The following TDRD3 variants were observed in gnomAD, a reference collection of about 807,000 sequenced individuals.
The protein encoded by TDRD3 is tudor domain-containing protein 3.
A neutral mutation model predicts 86.7 loss-of-function variants in TDRD3; 45 were observed. The observed-to-expected ratio is 0.52, with a 90% CI of 0.41 to 0.67. The LOEUF (loss-of-function observed/expected upper bound fraction) is 0.67. TDRD3 is among the 30% of genes least tolerant of loss of function. The pLI, the probability that TDRD3 is intolerant of heterozygous loss-of-function variation, is 0.00. For missense variants in TDRD3, 814 were observed against 889.0 expected, an observed-to-expected ratio of 0.92 and a Z score of 1.07; for synonymous variants, 298 against 301.7, an observed-to-expected ratio of 0.99 and a Z score of 0.13.
chr13:60,449,276 G>A (rs1955480514), intron 3 of TDRD3, among the ~76,000 whole-genome samples: 1 of 152,078 alleles, frequency 6.6e-6, no homozygotes. Flanking sequence ...CTTTTAGTGA[G>A]CTATATATTA....
At chr13:60,478,266 T>A (rs1807683955) in intron 5 of TDRD3, among the ~76,000 whole-genome samples, 1 of 151,872 alleles carries the variant, frequency 6.6e-6, no homozygotes, top group Admixed American at 6.6e-5. Context: ...CTCTCTTTTT[T>A]GTTAATCTAG....
intron 3 of TDRD3, among the ~76,000 whole-genome samples, chr13:60,455,016 C>T (rs1289829269): frequency 2.0e-5 from 3 of 152,016 alleles, no homozygotes; most frequent in East Asian, 1.9e-4. Context: ...CGGATTTAAG[C>T]GATTCTCCTG....
chr13:60,552,923 GAGC>G (rs993150530), intron 12 of TDRD3, among the ~76,000 whole-genome samples: 17 of 152,346 alleles, frequency 1.1e-4, no homozygotes, highest in African/African-American at 3.1e-4. Flanking sequence ...GGGCTGCACA[GAGC>G]AGCAGGGCCC....
intron 3 of TDRD3, among the ~76,000 whole-genome samples, chr13:60,459,848 T>C (rs1239048592): frequency 6.6e-6 from 1 of 152,180 alleles, no homozygotes; most frequent in East Asian, 1.9e-4. Flanking sequence ...CACAAGCTCC[T>C]GACCTCAGGT....
intron 12 of TDRD3, among the ~76,000 whole-genome samples, chr13:60,548,584 G>A (rs531919656): frequency 2.6e-5 from 4 of 151,986 alleles, no homozygotes; most frequent in Non-Finnish European, 5.9e-5. Flanking sequence ...TTTAAGCCTT[G>A]AACCATTCAC....
chr13:60,418,387 G>A (rs1018521808), intron 1 of TDRD3, among the ~76,000 whole-genome samples: 1 of 152,004 alleles, frequency 6.6e-6, no homozygotes, highest in African/African-American at 2.4e-5. Context: ...TTAACATTCT[G>A]TCTCTAGCTC....
chr13:60,484,219 C>T (rs532173659), intron 6 of TDRD3, among the ~76,000 whole-genome samples: 2 of 152,210 alleles, frequency 1.3e-5, no homozygotes, highest in East Asian at 3.9e-4. Context: ...AATAAAGCCA[C>T]ACAGAGTGAT....
chr13:60,474,110 T>G (rs1956131699), intron 5 of TDRD3, among the ~76,000 whole-genome samples: 1 of 152,240 alleles, frequency 6.6e-6, no homozygotes, highest in African/African-American at 2.4e-5. Context: ...ACCTTTTAGA[T>G]AGCAGTAGCA....
At chr13:60,411,892 G>A (rs1178616343) in intron 1 of TDRD3, among the ~76,000 whole-genome samples, 3 of 152,160 alleles carry the variant, frequency 2.0e-5, no homozygotes, top group Admixed American at 1.3e-4. Flanking sequence ...GCACTTTAGG[G>A]TATTGTCATT....
At chr13:60,414,815 T>C (rs1954455532) in intron 1 of TDRD3, among the ~76,000 whole-genome samples, 1 of 152,078 alleles carries the variant, frequency 6.6e-6, no homozygotes, top group African/African-American at 2.4e-5. Context: ...CCTTCATTGG[T>C]TTCAATTGAG....
intron 8 of TDRD3, among the ~76,000 whole-genome samples, chr13:60,505,136 G>A (rs953636594): frequency 6.6e-6 from 1 of 152,188 alleles, no homozygotes; most frequent in Non-Finnish European, 1.5e-5. Context: ...GCGCCAAGTA[G>A]TCTAGCTCAG....
intron 5 of TDRD3, among the ~76,000 whole-genome samples, chr13:60,479,968 C>T (rs1956275820): frequency 6.6e-6 from 1 of 152,128 alleles, no homozygotes; most frequent in Non-Finnish European, 1.5e-5. Flanking sequence ...CATCGTATTC[C>T]TTTTAAGTGT....
chr13:60,460,355 T>A, intron 3 of TDRD3, 25 bp from the exon 4 acceptor site: 1 of 1,558,290 alleles, frequency 6.4e-7, no homozygotes, highest in South Asian at 1.2e-5. Context: ...TAGAAAGTGA[T>A]TTTTATTCTT....
intron 4 of TDRD3, among the ~76,000 whole-genome samples, chr13:60,462,713 A>T (rs537546954): frequency 2.6e-4 from 39 of 152,252 alleles, no homozygotes; most frequent in African/African-American, 8.7e-4. Flanking sequence ...AGATTAAAGG[A>T]ACCTTTGGGT....
At chr13:60,396,221 T>G, upstream of TDRD3, among the ~76,000 whole-genome samples, 1 of 152,166 alleles carries the variant, frequency 6.6e-6, no homozygotes, top group East Asian at 1.9e-4. Context: ...ACAGTCTTCT[T>G]CCCCTGACCT....
chr13:60,439,685 C>G lies in TDRD3; in HGVS notation c.42-3C>G. On this transcript the variant is annotated splice_polypyrimidine_tract_variant and splice_region_variant and intron_variant, in intron 1 of 13. Transcript: ENST00000377881. Reference sequence around the variant, plus strand: ...TATTAAGCCATTTATTTTATTTTAACAGGTATCTTTCAGATGAAGGCATTG... The same window carrying G: ...TATTAAGCCATTTATTTTATTTTAAGAGGTATCTTTCAGATGAAGGCATTG... 1.3e-6 allele frequency: 2 copies of G among 1,529,624 alleles called. No individual in the cohort carries two copies. Among genetic ancestry groups the G allele is most frequent in the Non-Finnish European group, 1.8e-6 (2 of 1,139,350 alleles). The allele number at this position is 1,529,624 out of a possible 1,614,324, so 94.8% of individuals were successfully genotyped here. A position where few individuals can be genotyped will look rare whatever the true frequency, so the allele number is the denominator to read the frequency against.
chr13:60,571,664 A>T (rs1197755709), intron 13 of TDRD3, among the ~76,000 whole-genome samples: 1 of 152,202 alleles, frequency 6.6e-6, no homozygotes, highest in African/African-American at 2.4e-5. Flanking sequence ...ATAAAGTTTT[A>T]TATTGTAATT....
At chr13:60,535,326 G>A in intron 12 of TDRD3, 93 bp downstream of exon 12, 2 of 1,363,444 alleles carry the variant, frequency 1.5e-6, no homozygotes, top group Non-Finnish European at 1.9e-6. Context: ...ATATGCAAGT[G>A]GAATCATATT....
chr13:60,405,695 A>T (rs150376201), intron 1 of TDRD3, among the ~76,000 whole-genome samples: 1 of 152,338 alleles, frequency 6.6e-6, no homozygotes, highest in East Asian at 1.9e-4. Flanking sequence ...GGGACAGGTC[A>T]CATAGCTTGG....
Sources: allele counts gnomAD v4.1 joint callset (sites outside exome capture counted in the v4.1 genomes callset), GRCh38; gene constraint gnomAD v4.1.1; transcripts MANE v1.5; gene names NCBI Gene and HGNC (gene_info 2026-07-23, HGNC 2026-07-21).